ITGA11: variants seen among roughly 807,000 people sequenced by gnomAD.
ITGA11 encodes the protein integrin alpha-11.
In ITGA11, 97 loss-of-function variants were observed where a neutral mutation model predicts 141.9. The observed-to-expected ratio is 0.68, with a 90% CI of 0.58 to 0.81. The LOEUF (loss-of-function observed/expected upper bound fraction) is 0.81. Ranked by LOEUF, ITGA11 falls within the 30% of genes least tolerant of loss-of-function variation. The pLI is 0.00. For missense variants in ITGA11, 1,387 were observed against 1,559.2 expected (o/e 0.89, Z 1.86); for synonymous variants, 658 against 624.6 (o/e 1.05, Z -0.80).
rs1022282540 is a variant in ITGA11, at chr15:68,305,094, C to G, written c.3382-1209G>C. Among the ~76,000 whole-genome samples the G allele has an allele frequency of 1.3e-5, 2 of 152,274 alleles. No homozygotes were observed. Among genetic ancestry groups the G allele is most frequent in the Non-Finnish European group, 2.9e-5 (2 of 68,052 alleles). On this transcript the variant is annotated intron_variant, in intron 28 of 29. Transcript: ENST00000315757. This position sits in a 1 kb window ranked among gnomAD's most constrained non-coding sequence, Gnocchi z 4.6. ...CCTGCAAGGCCCTCCCCTCTCGGGTCCCACCTGTCTTGCTGACCTCACCTC... is the reference window on the plus strand; with the variant it reads ...CCTGCAAGGCCCTCCCCTCTCGGGTGCCACCTGTCTTGCTGACCTCACCTC...
At chr15:68,313,435 G>T (rs933768520) in intron 23 of ITGA11, among the ~76,000 whole-genome samples, 1 of 152,202 alleles carries the variant, frequency 6.6e-6, no homozygotes, top group Non-Finnish European at 1.5e-5. Context: ...ACTTACGATA[G>T]ATATTATTTC....
At chr15:68,349,554 C>A (rs1894840965) in intron 9 of ITGA11, among the ~76,000 whole-genome samples, 1 of 152,216 alleles carries the variant, frequency 6.6e-6, no homozygotes, top group Non-Finnish European at 1.5e-5. Context: ...ACTTTATATT[C>A]ATCTGCCCTT....
At chr15:68,353,199 G>A (rs1198634600) in intron 7 of ITGA11, among the ~76,000 whole-genome samples, 2 of 152,152 alleles carry the variant, frequency 1.3e-5, no homozygotes, top group Non-Finnish European at 2.9e-5. Context: ...ACAAAAGCTG[G>A]AATACATTAG....
intron 20 of ITGA11, among the ~76,000 whole-genome samples, chr15:68,317,757 C>T (rs1404826935): frequency 6.6e-6 from 1 of 152,152 alleles, no homozygotes; most frequent in Admixed American, 6.5e-5. Context: ...TGTCATCACT[C>T]GTATGTGGCA....
chr15:68,317,866 C>T (rs1025545750), intron 20 of ITGA11, among the ~76,000 whole-genome samples: 7 of 152,062 alleles, frequency 4.6e-5, no homozygotes, highest in African/African-American at 1.2e-4. Flanking sequence ...TGCATGCACC[C>T]GTGTGGATGT....
At chr15:68,342,997 T>TTCTCTCTCTC (rs6145615) in intron 10 of ITGA11, among the ~76,000 whole-genome samples, 1,534 of 143,930 alleles carry the variant, frequency 0.011, 14 homozygotes, top group Non-Finnish European at 0.017. Flanking sequence ...GGGCAAGTTC[T>TTCTCTCTCTC]TCTCTCTCTC....
At chr15:68,384,943 AAAC>A (rs756462255) in intron 2 of ITGA11, among the ~76,000 whole-genome samples, 6 of 152,228 alleles carry the variant, frequency 3.9e-5, no homozygotes, top group African/African-American at 7.2e-5. Context: ...CTTTCTGCTC[AAAC>A]AACAAGCCCC....
Position 68,300,106 on chromosome 15 carries a change from G to A in ITGA11, c.*2953C>T, listed in dbSNP as rs1166531471. On this transcript the variant is annotated 3_prime_UTR_variant, in exon 30 of 30. Transcript: ENST00000315757. ...AATAGCAGAATATTATAGCTATTAT[G>A]TAATATTAAATCCAGATGGCTGTTC... is the stretch of plus-strand genomic sequence containing the variant. 2 of 152,336 alleles carry A rather than the reference G, an allele frequency of 1.3e-5. No homozygotes were observed. Among genetic ancestry groups the A allele is most frequent in the East Asian group, 3.9e-4 (2 of 5,182 alleles). 9.4% of individuals were successfully genotyped at this position (152,336 alleles called of 1,614,324 possible). A position where few individuals can be genotyped will look rare whatever the true frequency, so the allele number is the denominator to read the frequency against.
At chr15:68,329,921 C>T (rs1231085752) in intron 15 of ITGA11, among the ~76,000 whole-genome samples, 1 of 152,238 alleles carries the variant, frequency 6.6e-6, no homozygotes, top group African/African-American at 2.4e-5. Flanking sequence ...GCAGCAGATG[C>T]TCTGGCCATG....
chr15:68,388,043 T>G (rs1198366069), intron 2 of ITGA11, among the ~76,000 whole-genome samples: 1 of 152,188 alleles, frequency 6.6e-6, no homozygotes, highest in African/African-American at 2.4e-5. Flanking sequence ...GGATGGCCCT[T>G]GGATCCTCCA....
At position 68,305,085 on chromosome 15, in the gene ITGA11, C is replaced by T. The variant is rs1893150331; in HGVS notation, c.3382-1200G>A. ...TGGCCCTGGCCTGCAAGGCCCTCCC[C>T]TCTCGGGTCCCACCTGTCTTGCTGA... On this transcript the variant is annotated intron_variant, in intron 28 of 29. Transcript: ENST00000315757. The surrounding 1 kb of genome is among the most constrained non-coding windows in gnomAD (Gnocchi z 4.6). Among the ~76,000 whole-genome samples the T allele has an allele frequency of 6.6e-6, 1 of 152,260 alleles. No homozygotes were observed. Among genetic ancestry groups the T allele is most frequent in the African/African-American group, 2.4e-5 (1 of 41,480 alleles).
chr15:68,346,751 T>C (rs929359669), intron 10 of ITGA11, among the ~76,000 whole-genome samples: 2 of 152,190 alleles, frequency 1.3e-5, no homozygotes, highest in African/African-American at 4.8e-5. Context: ...GCAGCTCGAG[T>C]GCCAAGCCCT....
chr15:68,371,269 T>A (rs1250927480), intron 2 of ITGA11, among the ~76,000 whole-genome samples: 1 of 152,162 alleles, frequency 6.6e-6, no homozygotes, highest in East Asian at 1.9e-4. Context: ...CTAAGCTTAC[T>A]TCTCTGGGGC....
At chr15:68,399,376 A>G (rs1896408182) in intron 2 of ITGA11, among the ~76,000 whole-genome samples, 1 of 152,130 alleles carries the variant, frequency 6.6e-6, no homozygotes, top group Non-Finnish European at 1.5e-5. Flanking sequence ...GTTGGTGGGA[A>G]TGGTAATTAG....
intron 21 of ITGA11, 29 bp from the exon 22 acceptor site, chr15:68,315,756 A>G (rs1893551464): frequency 1.3e-6 from 2 of 1,575,602 alleles, no homozygotes; most frequent in South Asian, 1.2e-5. Flanking sequence ...ATGTCTGGGC[A>G]TTGCTGGGAC....
rs570627762 is a variant in ITGA11 at position 68,307,122 on chromosome 15, C to A, written c.3381+226G>T. Among the ~76,000 whole-genome samples, 5 of 152,328 alleles carry A rather than the reference C, an allele frequency of 3.3e-5. No homozygotes were observed. Among genetic ancestry groups the A allele is most frequent in the Admixed American group, 3.3e-4 (5 of 15,310 alleles). The stretch of plus-strand genomic sequence containing the variant: ...TCCCATCCTTTGGTCTTCACAAATT[C>A]AGTTCACACCAGACCTCTGGACCTT... On this transcript the variant is annotated intron_variant, in intron 28 of 29. Transcript: ENST00000315757. This position sits in a 1 kb window ranked among gnomAD's most constrained non-coding sequence, Gnocchi z 6.1.
intron 1 of ITGA11, among the ~76,000 whole-genome samples, chr15:68,423,882 C>T (rs909244425): frequency 6.6e-6 from 1 of 152,056 alleles, no homozygotes; most frequent in Non-Finnish European, 1.5e-5. Context: ...TCAGGTGCTT[C>T]CTTCACCTGA....
chr15:68,401,618 C>A (rs924498387), intron 2 of ITGA11, among the ~76,000 whole-genome samples: 11 of 152,136 alleles, frequency 7.2e-5, no homozygotes, highest in Admixed American at 2.0e-4. Flanking sequence ...GCACCTATTG[C>A]ATGATTTCTC....
intron 2 of ITGA11, among the ~76,000 whole-genome samples, chr15:68,400,968 ATTTATATAT>A (rs1206899862): frequency 1.0e-5 from 1 of 95,962 alleles, no homozygotes; most frequent in Non-Finnish European, 2.0e-5. Context: ...ATATATATTT[ATTTATATAT>A]TTTATATATA....
Sources: allele counts gnomAD v4.1 joint callset (sites outside exome capture counted in the v4.1 genomes callset), GRCh38; gene constraint gnomAD v4.1.1; non-coding constraint Gnocchi (gnomAD v3.1); transcripts MANE v1.5; gene names NCBI Gene and HGNC (gene_info 2026-07-23, HGNC 2026-07-21).